Variants in SLC35E2B observed in about 807,000 individuals in gnomAD.
The protein encoded by SLC35E2B is solute carrier family 35, member E2B.
Under a neutral mutation model 32.4 loss-of-function variants are expected in SLC35E2B, and 18 were observed. That is an observed-to-expected ratio of 0.56 (90% CI 0.38 to 0.82). The LOEUF (loss-of-function observed/expected upper bound fraction) is 0.82. Among genes scored for constraint, SLC35E2B ranks in the 40% least tolerant of loss-of-function variants. The pLI is 0.00. For synonymous variants in SLC35E2B, 132 were observed against 209.1 expected, an observed-to-expected ratio of 0.63 and a Z score of 3.18; for missense variants, 263 against 469.5, an observed-to-expected ratio of 0.56 and a Z score of 4.06.
At chr1:1,688,073 G>C (rs1643973054) in intron 2 of SLC35E2B, among the ~76,000 whole-genome samples, 1 of 152,074 alleles carries the variant, frequency 6.6e-6, no homozygotes, top group South Asian at 2.1e-4. Flanking sequence ...GGCCGAGGGA[G>C]GGCGCAGGGG....
intron 2 of SLC35E2B, among the ~76,000 whole-genome samples, chr1:1,679,133 G>A (rs1331776655): frequency 2.6e-5 from 4 of 152,116 alleles, no homozygotes; most frequent in South Asian, 2.1e-4. Context: ...CACCACCAGC[G>A]AGTTTCTAAA....
Position 1,680,889 on chromosome 1 carries a change from A to G in SLC35E2B, c.-147-4043T>C, listed in dbSNP as rs28674735. The stretch of plus-strand genomic sequence containing the variant: ...ATAATCTCGGCTCACTGCAACCTCC[A>G]CCTCCCAGGTTCAAGGGATTCTCCT... On this transcript the variant is annotated intron_variant, in intron 2 of 9. Transcript: ENST00000617444. 9.4e-3 allele frequency among the ~76,000 whole-genome samples: 1,367 copies of G among 145,736 alleles called. 37 individuals are homozygous for G. The South Asian group carries it at 0.096, about 10-fold the overall frequency.
chr1:1,663,088 T>C lies in SLC35E2B; in HGVS notation c.*2694A>G, dbSNP rs536081676. 2 of 960,358 alleles carry C rather than the reference T, an allele frequency of 2.1e-6. No homozygotes were observed. Among genetic ancestry groups the C allele is most frequent in the Admixed American group, 6.3e-5 (1 of 15,756 alleles). 59.5% of individuals were successfully genotyped at this position (960,358 alleles called of 1,614,324 possible). A position where few individuals can be genotyped will look rare whatever the true frequency, so the allele number is the denominator to read the frequency against. On this transcript the variant is annotated 3_prime_UTR_variant, in exon 10 of 10. Coordinates refer to ENST00000617444, the MANE Select transcript of SLC35E2B (RefSeq NM_001290264.2). ...AGGGAGAGGGAGGGGACAGCACGAC[T>C]GAGCAAGGGCACAGTGCTGGCTGCC...
intron 5 of SLC35E2B, among the ~76,000 whole-genome samples, chr1:1,674,834 C>T (rs1486979101): frequency 6.6e-6 from 1 of 152,142 alleles, no homozygotes; most frequent in Non-Finnish European, 1.5e-5. Context: ...TAAGCGAACA[C>T]GTGTGCACCC....
At chr1:1,679,852 G>T (rs1408141215) in intron 2 of SLC35E2B, among the ~76,000 whole-genome samples, 1 of 144,616 alleles carries the variant, frequency 6.9e-6, no homozygotes, top group Non-Finnish European at 1.5e-5. Context: ...AAAAAAAAAT[G>T]CTGGGCGCGA....
At chr1:1,686,701 G>A (rs1397270697) in intron 2 of SLC35E2B, among the ~76,000 whole-genome samples, 1 of 151,872 alleles carries the variant, frequency 6.6e-6, no homozygotes, top group Non-Finnish European at 1.5e-5. Flanking sequence ...AGAAGACGGA[G>A]GTCGCAGTGA....
At chr1:1,678,674 T>C (rs1183638207) in intron 2 of SLC35E2B, among the ~76,000 whole-genome samples, 1 of 152,030 alleles carries the variant, frequency 6.6e-6, no homozygotes, top group Non-Finnish European at 1.5e-5. Flanking sequence ...ACTCATCCAC[T>C]CCTCGGGCCA....
In SLC35E2B at chr1:1,678,963, ACTCGCGACAGGG is replaced by A. The variant is rs1226102089; in HGVS notation, c.-147-2129_-147-2118del. 7.2e-5 allele frequency among the ~76,000 whole-genome samples: 11 copies of A among 152,258 alleles called. No homozygotes were observed. In the East Asian group the frequency reaches 7.7e-4, roughly 11 times the overall value. On this transcript the variant is annotated intron_variant, in intron 2 of 9. Transcript: ENST00000617444. ...GTGCGGCAGAGCAAAAGGACAGAGC[ACTCGCGACAGGG>A]CTCCGCAAGGCAGGGGTGGAGCTCA...
At chr1:1,682,142 G>A (rs1553170940) in intron 2 of SLC35E2B, among the ~76,000 whole-genome samples, 1 of 151,298 alleles carries the variant, frequency 6.6e-6, no homozygotes, top group Non-Finnish European at 1.5e-5. Flanking sequence ...TTACAGGCAT[G>A]AGTGACCGTG....
Position 1,675,451 on chromosome 1 carries a change from CG to C in SLC35E2B, c.586+11del. 2 of 1,611,792 alleles carry C rather than the reference CG, an allele frequency of 1.2e-6. No individual in the cohort carries two copies. Among genetic ancestry groups the C allele is most frequent in the Non-Finnish European group, 8.5e-7 (1 of 1,179,468 alleles). On this transcript the variant is annotated intron_variant, in intron 5 of 9. Transcript: ENST00000617444. The stretch of plus-strand genomic sequence containing the variant: ...GGGGCGCAGGCGGAGGGGCGGGGCC[CG>C]GGGGCCTCACCTGTGTACTCCCCCA...
At chr1:1,675,619 T>C in intron 4 of SLC35E2B, 29 bp from the exon 5 acceptor site, 2 of 1,499,316 alleles carry the variant, frequency 1.3e-6, no homozygotes, top group Non-Finnish European at 1.8e-6. Context: ...CACCATCACC[T>C]TAGAACGAGT....
At chr1:1,690,709 T>G (rs1644008611) in intron 2 of SLC35E2B, among the ~76,000 whole-genome samples, 1 of 93,700 alleles carries the variant, frequency 1.1e-5, no homozygotes, top group Non-Finnish European at 2.1e-5. Context: ...TGCTCCAGCC[T>G]GGGTGACACA....
In SLC35E2B at chr1:1,663,085, G is replaced by T. The variant is rs947243043; in HGVS notation, c.*2697C>A. On this transcript the variant is annotated 3_prime_UTR_variant, in exon 10 of 10. Transcript: ENST00000617444. ...CTGAGGGAGAGGGAGGGGACAGCAC[G>T]ACTGAGCAAGGGCACAGTGCTGGCT... The T allele has an allele frequency of 2.1e-6, 2 of 959,304 alleles. No individual in the cohort carries two copies. The highest frequency in any genetic ancestry group is 2.5e-6 in the Non-Finnish European group (2 of 806,900). 59.4% of individuals were successfully genotyped at this position (959,304 alleles called of 1,614,324 possible).
At chr1:1,689,415 C>A (rs1643993205) in intron 2 of SLC35E2B, among the ~76,000 whole-genome samples, 1 of 151,602 alleles carries the variant, frequency 6.6e-6, no homozygotes, top group Non-Finnish European at 1.5e-5. Context: ...CCCACAATAG[C>A]CCTCTGGGGA....
At position 1,669,722 on chromosome 1, in the gene SLC35E2B, T is replaced by C; in HGVS notation, c.776A>G (p.Gln259Arg). The change falls in exon 8 of 10, where the codon CAG (glutamine) becomes CGG (arginine). Residue 259 changes from glutamine to arginine, a missense_variant. By Grantham distance (43) the Gln-to-Arg change is conservative. Around this residue, in one of 7 missense-constraint regions of SLC35E2B, gnomAD observed 129 missense variants for 164.5 expected, o/e 0.78. Transcript: ENST00000617444. The part of the protein sequence containing the change: ...DKYRFSAPEL[Q>R]FYTSAAAVAM... ...CACCGCAGCGGCGCTGGTGTAGAACTGCAGCTCCGGGGCCCTGTGGGTGAC... is the reference window on the plus strand; with the variant it reads ...CACCGCAGCGGCGCTGGTGTAGAACCGCAGCTCCGGGGCCCTGTGGGTGAC... The C allele has an allele frequency of 6.5e-7, 1 of 1,547,194 alleles. No homozygotes were observed. Among genetic ancestry groups the C allele is most frequent in the Non-Finnish European group, 8.7e-7 (1 of 1,145,266 alleles).
chr1:1,686,363 G>A (rs530615057), intron 2 of SLC35E2B, among the ~76,000 whole-genome samples: 48 of 143,612 alleles, frequency 3.3e-4, no homozygotes, highest in African/African-American at 1.0e-3. Flanking sequence ...TTAGAATTCC[G>A]GATTGGGCAA....
chr1:1,670,340 T>TC (rs1643655541), intron 6 of SLC35E2B, 189 bp from the exon 7 acceptor site: 1 of 535,098 alleles, frequency 1.9e-6, no homozygotes, highest in East Asian at 3.3e-5. Context: ...CAGGCTGGTC[T>TC]CCAACTCCTG....
intron 2 of SLC35E2B, among the ~76,000 whole-genome samples, chr1:1,678,662 G>A (rs900859699): frequency 1.3e-5 from 2 of 152,074 alleles, no homozygotes; most frequent in African/African-American, 4.8e-5. Flanking sequence ...GAATAACAAA[G>A]GACTCATCCA....
At chr1:1,674,608 C>A (rs964610595) in intron 5 of SLC35E2B, among the ~76,000 whole-genome samples, 6 of 149,146 alleles carry the variant, frequency 4.0e-5, no homozygotes, top group South Asian at 2.1e-4. Context: ...CAGAGCAAGA[C>A]CCTGTCTCAA....
Sources: allele counts gnomAD v4.1 joint callset (sites outside exome capture counted in the v4.1 genomes callset), GRCh38; gene constraint gnomAD v4.1.1; regional missense constraint gnomAD v4.1.1; transcripts MANE v1.5; gene names NCBI Gene and HGNC (gene_info 2026-07-23, HGNC 2026-07-21).